Variants in GPC6 observed in about 807,000 individuals in gnomAD.
GPC6 encodes glypican-6.
Under a neutral mutation model 55.2 loss-of-function variants are expected in GPC6, and 14 were observed. The ratio of observed to expected loss-of-function variants is 0.25; its 90% confidence interval spans 0.17 to 0.40. GPC6 has a LOEUF of 0.40. Ranked by LOEUF, GPC6 falls within the 10% of genes least tolerant of loss-of-function variation. The pLI is 1.00. For missense variants in GPC6, 641 were observed against 708.5 expected (o/e 0.90, Z 1.08); for synonymous variants, 278 against 259.6 (o/e 1.07, Z -0.68).
intron 3 of GPC6, among the ~76,000 whole-genome samples, chr13:94,014,311 C>T (rs957130069): frequency 6.6e-6 from 1 of 152,292 alleles, no homozygotes; most frequent in East Asian, 1.9e-4. Context: ...AGGTCATGCA[C>T]GTCAAGCTAA....
chr13:94,174,554 G>T (rs376174299), intron 4 of GPC6, among the ~76,000 whole-genome samples: 1 of 152,090 alleles, frequency 6.6e-6, no homozygotes, highest in African/African-American at 2.4e-5. Context: ...TAAAACAAAT[G>T]GTGTGGCAAA....
chr13:94,290,928 A>G (rs1874927128), intron 5 of GPC6, among the ~76,000 whole-genome samples: 1 of 152,222 alleles, frequency 6.6e-6, no homozygotes. Flanking sequence ...ATGGTGGTTC[A>G]CACCTATAAT....
intron 1 of GPC6, among the ~76,000 whole-genome samples, chr13:93,430,318 A>G (rs1877308799): frequency 1.4e-5 from 2 of 142,412 alleles, no homozygotes; most frequent in African/African-American, 5.2e-5. Context: ...TATCTTTAAC[A>G]TTATTATACT....
chr13:93,260,787 T>C (rs1430045409), intron 1 of GPC6, among the ~76,000 whole-genome samples: 1 of 152,090 alleles, frequency 6.6e-6, no homozygotes, highest in African/African-American at 2.4e-5. Context: ...TTACCCAACA[T>C]ACCAGGAATG....
intron 1 of GPC6, among the ~76,000 whole-genome samples, chr13:93,528,636 G>T (rs1881743849): frequency 6.6e-6 from 1 of 152,192 alleles, no homozygotes; most frequent in South Asian, 2.1e-4. Context: ...ATTTGAATAT[G>T]AAGTTTTTGG....
At chr13:94,175,778 AT>A (rs1888727058) in intron 4 of GPC6, among the ~76,000 whole-genome samples, 1 of 149,774 alleles carries the variant, frequency 6.7e-6, no homozygotes, top group Non-Finnish European at 1.5e-5. Flanking sequence ...TTTCATATAT[AT>A]AAGCATATAT....
At chr13:94,018,060 A>T (rs1408282433) in intron 3 of GPC6, among the ~76,000 whole-genome samples, 2 of 152,190 alleles carry the variant, frequency 1.3e-5, no homozygotes, top group Admixed American at 6.5e-5. Context: ...GTGAGTTTTC[A>T]TAAATGTCCA....
At chr13:94,270,158 G>T (rs1249112271) in intron 4 of GPC6, among the ~76,000 whole-genome samples, 3 of 152,066 alleles carry the variant, frequency 2.0e-5, no homozygotes, top group South Asian at 4.1e-4. Context: ...ATACCTAAGT[G>T]TATGTTTGAA....
chr13:94,195,283 C>T (rs1019204975), intron 4 of GPC6, among the ~76,000 whole-genome samples: 7 of 152,274 alleles, frequency 4.6e-5, no homozygotes, highest in Middle Eastern at 3.4e-3. Flanking sequence ...TCCCCTTAAC[C>T]AACCCCAGTA....
intron 2 of GPC6, among the ~76,000 whole-genome samples, chr13:93,816,628 T>A (rs1294095677): frequency 1.3e-5 from 2 of 152,072 alleles, no homozygotes; most frequent in Non-Finnish European, 2.9e-5. Flanking sequence ...ATATTTGTTT[T>A]TTTTTCAACT....
At chr13:93,744,528 C>CTT (rs71736430) in intron 2 of GPC6, among the ~76,000 whole-genome samples, 10,043 of 96,580 alleles carry the variant, frequency 0.1, 2,122 homozygotes, top group Non-Finnish European at 0.14. Context: ...TTTCCCTAGT[C>CTT]TTTTTTTTTT....
chr13:93,540,914 T>A (rs1882268658), intron 1 of GPC6, among the ~76,000 whole-genome samples: 2 of 152,156 alleles, frequency 1.3e-5, no homozygotes, highest in South Asian at 4.1e-4. Flanking sequence ...TTTTTTAGCT[T>A]CCACATATGA....
chr13:94,283,965 T>C (rs576894938), intron 4 of GPC6, among the ~76,000 whole-genome samples: 24 of 152,334 alleles, frequency 1.6e-4, no homozygotes, highest in African/African-American at 5.3e-4. Context: ...ACTGCCTTGA[T>C]GTCGCAAAGT....
rs573060434 is a variant in GPC6 at position 93,920,462 on chromosome 13, C to CAA, written c.711+89917_711+89918insAA. Among the ~76,000 whole-genome samples, 37 of 152,248 alleles carry CAA rather than the reference C, an allele frequency of 2.4e-4. 1 individual carries two copies. The East Asian group carries it at 5.2e-3, about 22-fold the overall frequency. ...ATTCTGAATTGCACAATAGAAATGT[C>CAA]TACTTGAAGGTTTCCCTAATATCTC... On this transcript the variant is annotated intron_variant, in intron 3 of 8. Transcript: ENST00000377047.
At chr13:93,950,321 T>G (rs2140371958) in intron 3 of GPC6, among the ~76,000 whole-genome samples, 1 of 152,340 alleles carries the variant, frequency 6.6e-6, no homozygotes, top group African/African-American at 2.4e-5. Context: ...TGATAGTAAC[T>G]GGTGATATTT....
intron 2 of GPC6, among the ~76,000 whole-genome samples, chr13:93,658,616 CATTG>C (rs1176626776): frequency 6.6e-6 from 1 of 151,498 alleles, no homozygotes; most frequent in African/African-American, 2.4e-5. Flanking sequence ...TAATAGTTTA[CATTG>C]ATTGATTTCA....
At chr13:93,478,778 G>C (rs904414186) in intron 1 of GPC6, among the ~76,000 whole-genome samples, 4 of 152,074 alleles carry the variant, frequency 2.6e-5, no homozygotes, top group African/African-American at 9.7e-5. Context: ...CCTGAACTTT[G>C]GAAGATAACC....
chr13:94,382,457 G>T lies in GPC6; in HGVS notation c.1196G>T (p.Trp399Leu). 1 of 1,614,032 alleles carries T rather than the reference G, an allele frequency of 6.2e-7. No individual in the cohort carries two copies. The highest frequency in any genetic ancestry group is 8.5e-7 in the Non-Finnish European group (1 of 1,179,910). ...KEKLKLSKKV[W>L]SALPYTICKD... ...AAATTGAAGCTCTCTAAAAAGGTCT[G>T]GTCAGCATTACCCTACACTATCTGC... Residue 399 changes from tryptophan to leucine, a missense_variant, in exon 7 of 9, where the codon TGG becomes TTG. By Grantham distance (61) the Trp-to-Leu change is moderately conservative. Coordinates refer to ENST00000377047, the MANE Select transcript of GPC6 (RefSeq NM_005708.5).
intron 4 of GPC6, among the ~76,000 whole-genome samples, chr13:94,102,058 A>G (rs549863483): frequency 1.3e-5 from 2 of 152,186 alleles, no homozygotes; most frequent in African/African-American, 4.8e-5. Flanking sequence ...AGGTACACAT[A>G]ATAAATATAT....
Sources: allele counts gnomAD v4.1 joint callset (sites outside exome capture counted in the v4.1 genomes callset), GRCh38; gene constraint gnomAD v4.1.1; transcripts MANE v1.5; gene names NCBI Gene and HGNC (gene_info 2026-07-23, HGNC 2026-07-21).